AHDC1: variants seen among roughly 807,000 people sequenced by gnomAD.
AHDC1 encodes the protein AT-hook DNA binding motif containing 1, also known as transcription factor Gibbin.
AHDC1 carries 7 observed loss-of-function variants against 87.9 expected under a neutral mutation model. That is an observed-to-expected ratio of 0.08 (90% CI 0.05 to 0.15). The LOEUF is 0.15. AHDC1 is among the 10% of genes least tolerant of loss of function. The pLI, the probability that AHDC1 is intolerant of heterozygous loss-of-function variation, is 1.00. For synonymous variants in AHDC1, 1,051 were observed against 1,006.8 expected (o/e 1.04, Z -0.83); for missense variants, 1,841 against 2,253.2 (o/e 0.82, Z 3.70).
chr1:27,538,351 T>A (rs968332135), intron 8 of AHDC1, among the ~76,000 whole-genome samples: 1 of 138,714 alleles, frequency 7.2e-6, no homozygotes, highest in South Asian at 2.3e-4. Flanking sequence ...TGCAGTGAGC[T>A]GAGATCGTGC....
chr1:27,575,605 C>T (rs933721247), intron 3 of AHDC1, among the ~76,000 whole-genome samples: 3 of 151,662 alleles, frequency 2.0e-5, no homozygotes, highest in Non-Finnish European at 4.4e-5. Context: ...ATCATCCCCG[C>T]GCAGCGCGCA....
In AHDC1 at chr1:27,548,716, A is replaced by G. The variant is rs1362155143; in HGVS notation, c.3400T>C (p.Cys1134Arg). The G allele has an allele frequency of 1.2e-6, 2 of 1,613,220 alleles. No individual in the cohort carries two copies. The highest frequency in any genetic ancestry group is 2.7e-5 in the African/African-American group (2 of 74,930). ...FSQLYNPSFD[C>R]HVSEPNVILD... is the part of the protein sequence containing the mutation. ...ATCACGTTGGGCTCGCTGACGTGGC[A>G]GTCAAAACTGGGATTGTAGAGCTGA... Residue 1134 changes from cysteine (C) to arginine (R), a missense_variant, in exon 8 of 9, where the codon TGC (cysteine) becomes CGC (arginine). Around this residue, in one of 13 missense-constraint regions of AHDC1, gnomAD observed 378 missense variants for 399.0 expected, o/e 0.95. Coordinates refer to ENST00000673934, the MANE Select transcript of AHDC1 (RefSeq NM_001371928.1).
rs2019337533 is a variant in AHDC1, at chr1:27,548,787, A to G, written c.3329T>C (p.Phe1110Ser). The G allele has an allele frequency of 6.2e-7, 1 of 1,612,954 alleles. No individual in the cohort carries two copies. Among genetic ancestry groups the G allele is most frequent in the Non-Finnish European group, 8.5e-7 (1 of 1,179,888 alleles). ...GTCCAGGCCTCCATAGCCCTGCCGG[A>G]AAGGCCACTGAGAAGCCCCCGCAAA... ...RQFAGASQWPFRQGYGGLDWA... is the reference protein window; with the variant it reads ...RQFAGASQWPSRQGYGGLDWA... The change falls in exon 8 of 9, where the codon TTC becomes TCC. Residue 1110 changes from phenylalanine to serine, a missense_variant. Coordinates refer to ENST00000673934, the MANE Select transcript of AHDC1 (RefSeq NM_001371928.1).
Position 27,558,785 on chromosome 1 carries a change from GGCCTGAGCGTCGCCCC to G in AHDC1, c.-546_-531del, listed in dbSNP as rs1437482237. On this transcript the variant is annotated 5_prime_UTR_variant, in exon 4 of 9. It introduces an in-frame stop codon into an upstream open reading frame of the 5' UTR. Transcript: ENST00000673934. The surrounding 1 kb of genome is among the most constrained non-coding windows in gnomAD (Gnocchi z 5.6). The stretch of plus-strand genomic sequence containing the variant: ...GCATCTCCAGGGTGGTCTCTGCAAC[GGCCTGAGCGTCGCCCC>G]GCACTCGGGGCCCTCTGCACACGCT... 26 of 398,516 alleles carry G rather than the reference GGCCTGAGCGTCGCCCC, an allele frequency of 6.5e-5. No individual in the cohort carries two copies. The Admixed American group carries it at 1.1e-3, about 17-fold the overall frequency. 24.7% of individuals were successfully genotyped at this position (398,516 alleles called of 1,614,324 possible). A position where few individuals can be genotyped will look rare whatever the true frequency, so the allele number is the denominator to read the frequency against.
intron 3 of AHDC1, among the ~76,000 whole-genome samples, chr1:27,570,847 CATTCCTGCAA>C (rs2020533818): frequency 6.6e-6 from 1 of 152,082 alleles, no homozygotes; most frequent in South Asian, 2.1e-4. Flanking sequence ...TCCCCCTTTC[CATTCCTGCAA>C]ACCAGCCCCC....
intron 3 of AHDC1, among the ~76,000 whole-genome samples, chr1:27,589,883 G>C (rs907842805): frequency 5.9e-5 from 9 of 151,992 alleles, no homozygotes; most frequent in South Asian, 2.1e-4. Context: ...GCCAGGCACC[G>C]GCCCCCACCC....
At chr1:27,553,960 G>C (rs968372450) in intron 5 of AHDC1, among the ~76,000 whole-genome samples, 2 of 152,196 alleles carry the variant, frequency 1.3e-5, no homozygotes, top group Non-Finnish European at 2.9e-5. Context: ...AGCTACTCAA[G>C]AGGCTGAGGT....
rs764055816 is a variant in AHDC1 at position 27,560,276 on chromosome 1, G to T, written c.-628-1393C>A. Among the ~76,000 whole-genome samples, 1 of 152,072 alleles carries T rather than the reference G, an allele frequency of 6.6e-6. No individual in the cohort carries two copies. Among genetic ancestry groups the T allele is most frequent in the Non-Finnish European group, 1.5e-5 (1 of 68,006 alleles). On this transcript the variant is annotated intron_variant, in intron 3 of 8. Coordinates refer to ENST00000673934, the MANE Select transcript of AHDC1 (RefSeq NM_001371928.1). This position sits in a 1 kb window ranked among gnomAD's most constrained non-coding sequence, Gnocchi z 4.1. ...AGGACACAGGGGTGCATGTGTGCCT[G>T]TGTGTAGCCAGGTGAGCCCAGCTGT...
chr1:27,584,172 G>A (rs74063749), intron 3 of AHDC1, among the ~76,000 whole-genome samples: 1,963 of 152,296 alleles, frequency 0.013, 36 homozygotes, highest in African/African-American at 0.046. Context: ...CCAGGGGCTG[G>A]GATTTAAACC....
At chr1:27,537,682 C>T (rs984586797) in intron 8 of AHDC1, among the ~76,000 whole-genome samples, 3 of 152,220 alleles carry the variant, frequency 2.0e-5, no homozygotes, top group Admixed American at 1.3e-4. Flanking sequence ...AGGGCTAGCA[C>T]GCACCGGCCC....
chr1:27,542,721 C>T (rs763381006), intron 8 of AHDC1, among the ~76,000 whole-genome samples: 1 of 152,216 alleles, frequency 6.6e-6, no homozygotes, highest in Non-Finnish European at 1.5e-5. Context: ...AGGCAGGCTC[C>T]CAGCCACCAC....
Position 27,550,808 on chromosome 1 carries a change from T to G in AHDC1, c.1308A>C (p.Pro436=), listed in dbSNP as rs963024802. The change falls in exon 8 of 9, where the codon CCA becomes CCC. Residue 436 remains proline, a synonymous_variant. Coordinates refer to ENST00000673934, the MANE Select transcript of AHDC1 (RefSeq NM_001371928.1). The part of the protein sequence containing the change: ...LAEPPPPPPP[P]PPALPGPGPV... ...GGCCTGGGCCTGGCAGGGCAGGGGG[T>G]GGAGGAGGCGGTGGTGGTGGGGGTT... 3 of 1,563,406 alleles carry G rather than the reference T, an allele frequency of 1.9e-6. No homozygotes were observed. The highest frequency in any genetic ancestry group is 2.7e-5 in the African/African-American group (2 of 73,452).
intron 8 of AHDC1, among the ~76,000 whole-genome samples, chr1:27,539,837 C>T (rs931734430): frequency 1.3e-5 from 2 of 152,184 alleles, no homozygotes; most frequent in African/African-American, 4.8e-5. Context: ...TTCTTCTCAT[C>T]TCCCCAGCTG....
Position 27,551,416 on chromosome 1 carries a change from T to G in AHDC1, c.700A>C (p.Thr234Pro), listed in dbSNP as rs774922077. The G allele has an allele frequency of 6.2e-7, 1 of 1,613,516 alleles. No homozygotes were observed. The highest frequency in any genetic ancestry group is 8.5e-7 in the Non-Finnish European group (1 of 1,179,954). The change falls in exon 8 of 9, where the codon ACT becomes CCT. Residue 234 changes from threonine (T) to proline (P), a missense_variant. Transcript: ENST00000673934. ...GLPPEPEPDS[T>P]DYSELADADI... ...GCGTCAGCAAGTTCTGAGTAATCAG[T>G]GCTGTCTGGCTCAGGCTCTGGGGGC...
intron 5 of AHDC1, among the ~76,000 whole-genome samples, chr1:27,556,710 G>GT (rs551761711): frequency 8.1e-4 from 124 of 152,190 alleles, no homozygotes; most frequent in Non-Finnish European, 1.5e-3. Flanking sequence ...CAATTAAGCT[G>GT]GTGTCTGAAT....
Position 27,562,455 on chromosome 1 carries a change from C to A in AHDC1, c.-628-3572G>T, listed in dbSNP as rs1262693806. ...AGAGGCAGGAAATAGGGTCCCCAGGCCCTCAGGGACACAGCCCCCTGCCTC... is the reference window on the plus strand; with the variant it reads ...AGAGGCAGGAAATAGGGTCCCCAGGACCTCAGGGACACAGCCCCCTGCCTC... On this transcript the variant is annotated intron_variant, in intron 3 of 8. Coordinates refer to ENST00000673934, the MANE Select transcript of AHDC1 (RefSeq NM_001371928.1). This position sits in a 1 kb window ranked among gnomAD's most constrained non-coding sequence, Gnocchi z 4.4. Among the ~76,000 whole-genome samples, 1 of 152,142 alleles carries A rather than the reference C, an allele frequency of 6.6e-6. No homozygotes were observed. The highest frequency in any genetic ancestry group is 1.5e-5 in the Non-Finnish European group (1 of 68,000).
chr1:27,596,575 C>A (rs2089377449), intron 3 of AHDC1, among the ~76,000 whole-genome samples: 1 of 152,082 alleles, frequency 6.6e-6, no homozygotes, highest in African/African-American at 2.4e-5. Context: ...GAAAACACTG[C>A]TCCAATCCAG....
chr1:27,597,679 G>T (rs904896607), intron 3 of AHDC1, among the ~76,000 whole-genome samples: 9 of 152,114 alleles, frequency 5.9e-5, no homozygotes, highest in African/African-American at 2.2e-4. Context: ...TGGCTGGCCT[G>T]GGGGTTTGGG....
rs757899116 is a variant in AHDC1 at position 27,551,793 on chromosome 1, C to T, written c.323G>A (p.Arg108Gln). The change falls in exon 8 of 9, where the codon CGA (arginine) becomes CAA (glutamine). Residue 108 changes from arginine (R) to glutamine (Q), a missense_variant. Arg to Gln is a conservative substitution (Grantham distance 43, BLOSUM62 1). Coordinates refer to ENST00000673934, the MANE Select transcript of AHDC1 (RefSeq NM_001371928.1). Reference sequence around the variant, plus strand: ...CACCCGCCCGTTGTCCCAGCAGCGTCGGGAGCTGCTGCCGTCTCCGACCGG... The same window carrying T: ...CACCCGCCCGTTGTCCCAGCAGCGTTGGGAGCTGCTGCCGTCTCCGACCGG... Reference protein sequence around the residue: ...PTPVGDGSSSRRCWDNGRVNL... With the variant: ...PTPVGDGSSSQRCWDNGRVNL... 3.2e-5 allele frequency: 52 copies of T among 1,613,056 alleles called. 1 individual carries two copies. In the Middle Eastern group the frequency reaches 1.3e-3, roughly 41 times the overall value.
Sources: gnomAD v4.1 joint callset for allele counts (sites outside exome capture counted in the v4.1 genomes callset) on GRCh38, gnomAD v4.1.1 for gene constraint, gnomAD v4.1.1 regional missense constraint, Gnocchi (gnomAD v3.1) non-coding constraint, MANE v1.5 for transcripts, NCBI Gene and HGNC (gene_info 2026-07-23, HGNC 2026-07-21) for gene names.